Variants in GABRA2 observed in about 807,000 individuals in gnomAD.
GABRA2 encodes the protein gamma-aminobutyric acid type A receptor subunit alpha2, also known as gamma-aminobutyric acid receptor subunit alpha-2.
GABRA2 carries 16 observed loss-of-function variants against 48.7 expected under a neutral mutation model. That is an observed-to-expected ratio of 0.33 (90% CI 0.22 to 0.50). The LOEUF is 0.50. GABRA2 is among the 20% of genes least tolerant of loss of function. The pLI, the probability that GABRA2 is intolerant of heterozygous loss-of-function variation, is 0.98. For missense variants in GABRA2, 275 were observed against 535.6 expected (o/e 0.51, Z 4.80); for synonymous variants, 185 against 184.5 (o/e 1.00, Z -0.02).
chr4:46,306,653 C>T (rs1726753888), intron 6 of GABRA2, among the ~76,000 whole-genome samples: 1 of 152,142 alleles, frequency 6.6e-6, no homozygotes, highest in Non-Finnish European at 1.5e-5. Context: ...GATGTCGTTA[C>T]CCCTAGTTCT....
chr4:46,346,611 A>T (rs1734183551), intron 3 of GABRA2, among the ~76,000 whole-genome samples: 1 of 148,298 alleles, frequency 6.7e-6, no homozygotes, highest in African/African-American at 2.4e-5. Flanking sequence ...TATTTATTAT[A>T]CTTAAATATT....
intron 3 of GABRA2, among the ~76,000 whole-genome samples, chr4:46,377,202 T>C (rs1485530229): frequency 1.4e-5 from 2 of 145,552 alleles, no homozygotes; most frequent in Non-Finnish European, 3.0e-5. Context: ...GCCCATCGTC[T>C]GGGATGTGAG....
intron 3 of GABRA2, among the ~76,000 whole-genome samples, chr4:46,339,237 A>G (rs1306094045): frequency 6.6e-6 from 1 of 151,946 alleles, no homozygotes; most frequent in African/African-American, 2.4e-5. Flanking sequence ...AAATTAAATA[A>G]CATTTAAAAT....
At chr4:46,338,425 A>G (rs962281152) in intron 3 of GABRA2, among the ~76,000 whole-genome samples, 4 of 151,900 alleles carry the variant, frequency 2.6e-5, no homozygotes, top group African/African-American at 9.7e-5. Flanking sequence ...CTTTTATCCT[A>G]CTCTTACTTG....
At chr4:46,328,047 GA>G in intron 4 of GABRA2, among the ~76,000 whole-genome samples, 1 of 151,896 alleles carries the variant, frequency 6.6e-6, no homozygotes, top group South Asian at 2.1e-4. Flanking sequence ...AGGAAAAAGG[GA>G]AAAAAACAGT....
chr4:46,281,730 A>C (rs1721576306), intron 8 of GABRA2, among the ~76,000 whole-genome samples: 1 of 152,194 alleles, frequency 6.6e-6, no homozygotes, highest in African/African-American at 2.4e-5. Flanking sequence ...GAGGACAGTA[A>C]AAACAGCAAA....
intron 3 of GABRA2, among the ~76,000 whole-genome samples, chr4:46,376,103 G>A (rs141649781): frequency 1.2e-4 from 19 of 152,192 alleles, no homozygotes; most frequent in African/African-American, 3.6e-4. Context: ...CACCTTGTAC[G>A]TCTTTATATC....
At chr4:46,360,889 A>G (rs1017624410) in intron 3 of GABRA2, among the ~76,000 whole-genome samples, 7 of 152,350 alleles carry the variant, frequency 4.6e-5, no homozygotes, top group African/African-American at 1.4e-4. Flanking sequence ...ATTTTAGCAA[A>G]GACAGTGTTG....
chr4:46,255,054 T>G (rs1439176867), intron 9 of GABRA2, among the ~76,000 whole-genome samples: 2 of 151,608 alleles, frequency 1.3e-5, no homozygotes, highest in Non-Finnish European at 3.0e-5. Flanking sequence ...CATGCTTTTC[T>G]GGAGGACCCT....
chr4:46,289,916 T>TATTTA (rs1422233689), intron 8 of GABRA2, among the ~76,000 whole-genome samples: 3 of 144,700 alleles, frequency 2.1e-5, no homozygotes, highest in African/African-American at 7.9e-5. Flanking sequence ...TATTTTTATT[T>TATTTA]TTTTTTTTTT....
intron 6 of GABRA2, 116 bp downstream of exon 6, chr4:46,310,057 T>A: frequency 1.5e-6 from 1 of 675,716 alleles, no homozygotes; most frequent in Non-Finnish European, 2.6e-6. Flanking sequence ...TTCCAAGTCT[T>A]ATTGACAATT....
At chr4:46,377,833 C>T (rs1716075145) in intron 3 of GABRA2, among the ~76,000 whole-genome samples, 1 of 145,602 alleles carries the variant, frequency 6.9e-6, no homozygotes, top group Non-Finnish European at 1.5e-5. Context: ...TCTGCCCGGC[C>T]AGCTGCCCCG....
intron 4 of GABRA2, among the ~76,000 whole-genome samples, chr4:46,328,719 G>A (rs890002095): frequency 1.3e-5 from 2 of 151,970 alleles, no homozygotes; most frequent in Non-Finnish European, 1.5e-5. Flanking sequence ...ATGCTGGTGC[G>A]CTGCACCCAC....
At chr4:46,345,886 C>G (rs1345862757) in intron 3 of GABRA2, among the ~76,000 whole-genome samples, 1 of 151,942 alleles carries the variant, frequency 6.6e-6, no homozygotes, top group Non-Finnish European at 1.5e-5. Flanking sequence ...GTCTTCATCC[C>G]TGTAATTTAG....
chr4:46,294,431 G>A (rs1724251793), intron 8 of GABRA2, among the ~76,000 whole-genome samples: 1 of 152,200 alleles, frequency 6.6e-6, no homozygotes, highest in African/African-American at 2.4e-5. Context: ...ATTGCTCAGT[G>A]GACCTATTTA....
chr4:46,332,289 C>G (rs1415634598), intron 4 of GABRA2, among the ~76,000 whole-genome samples: 1 of 152,062 alleles, frequency 6.6e-6, no homozygotes, highest in Non-Finnish European at 1.5e-5. Flanking sequence ...ATTCACTTTC[C>G]TTATGGAAGT....
chr4:46,284,467 G>A (rs1157882656), intron 8 of GABRA2, among the ~76,000 whole-genome samples: 2 of 152,202 alleles, frequency 1.3e-5, no homozygotes, highest in Non-Finnish European at 2.9e-5. Flanking sequence ...CACTTAGTAA[G>A]TATCTGTTGC....
chr4:46,368,629 T>G (rs1186843459), intron 3 of GABRA2: 2 of 227,586 alleles, frequency 8.8e-6, no homozygotes, highest in Non-Finnish European at 1.7e-5. Context: ...ATGAGAAGTC[T>G]TGGTTTAGGG....
At position 46,279,792 on chromosome 4, in the gene GABRA2, T is replaced by C. The variant is rs138581146; in HGVS notation, c.857-17664A>G. ...TGTGTGCTAAGTGGTTCTAGTCACT[T>C]TGATGAAACCACTTATTAATTCTAA... is the stretch of plus-strand genomic sequence containing the variant. On this transcript the variant is annotated intron_variant, in intron 8 of 9. Coordinates refer to ENST00000381620, the MANE Select transcript of GABRA2 (RefSeq NM_000807.4). 2.1e-3 allele frequency among the ~76,000 whole-genome samples: 324 copies of C among 152,224 alleles called. 3 individuals are homozygous for C. The highest frequency in any genetic ancestry group is 0.016 in the Admixed American group (252 of 15,280).
Sources: allele counts gnomAD v4.1 joint callset (sites outside exome capture counted in the v4.1 genomes callset), GRCh38; gene constraint gnomAD v4.1.1; transcripts MANE v1.5; gene names NCBI Gene and HGNC (gene_info 2026-07-23, HGNC 2026-07-21).